Variants in AFDN observed in about 807,000 individuals in gnomAD.
AFDN encodes the protein afadin, adherens junction formation factor.
Under a neutral mutation model 216.6 loss-of-function variants are expected in AFDN, and 68 were observed. That is an observed-to-expected ratio of 0.31 (90% CI 0.26 to 0.38). The LOEUF (loss-of-function observed/expected upper bound fraction) is 0.38, where lower values mean the gene tolerates loss of function less well. Ranked by LOEUF, AFDN falls within the 10% of genes least tolerant of loss-of-function variation. The pLI, the probability that AFDN is intolerant of heterozygous loss-of-function variation, is 1.00. For synonymous variants in AFDN, 868 were observed against 853.7 expected (o/e 1.02, Z -0.29); for missense variants, 2,136 against 2,342.0 (o/e 0.91, Z 1.82).
At chr6:167,931,784 G>A (rs1405859299) in intron 23 of AFDN, among the ~76,000 whole-genome samples, 3 of 152,150 alleles carry the variant, frequency 2.0e-5, no homozygotes, top group Non-Finnish European at 4.4e-5. Flanking sequence ...TATACAGGGG[G>A]ATTTCACCGT....
At chr6:167,965,733 A>C (rs376161196) in intron 31 of AFDN, 24 bp from the exon 32 acceptor site, 1 of 1,504,112 alleles carries the variant, frequency 6.6e-7, no homozygotes, top group Admixed American at 2.2e-5. Flanking sequence ...TGACCTTTGC[A>C]CTCTTGTCTA....
chr6:167,915,065 G>T, intron 18 of AFDN, 103 bp from the exon 19 acceptor site: 1 of 1,206,412 alleles, frequency 8.3e-7, no homozygotes, highest in Non-Finnish European at 1.2e-6. Flanking sequence ...TAATTAAACG[G>T]CACTTACTAC....
At chr6:167,849,871 C>T (rs550149868) in intron 1 of AFDN, among the ~76,000 whole-genome samples, 2 of 152,144 alleles carry the variant, frequency 1.3e-5, no homozygotes, top group African/African-American at 2.4e-5. Context: ...CTTTTCCTGT[C>T]GAGGTTCTAG....
chr6:167,893,467 A>G (rs1350843216), intron 8 of AFDN, among the ~76,000 whole-genome samples: 2 of 152,096 alleles, frequency 1.3e-5, no homozygotes, highest in East Asian at 3.9e-4. Context: ...TGAGCTCAGC[A>G]TTGTCTTTTG....
At chr6:167,929,394 A>C (rs1183873289) in intron 23 of AFDN, among the ~76,000 whole-genome samples, 1 of 152,244 alleles carries the variant, frequency 6.6e-6, no homozygotes, top group Non-Finnish European at 1.5e-5. Flanking sequence ...GGTTAGGTAC[A>C]TACAGTCAAA....
chr6:167,870,545 C>T (rs1279789086), intron 3 of AFDN, 47 bp downstream of exon 3: 1 of 1,166,938 alleles, frequency 8.6e-7, no homozygotes, highest in South Asian at 1.5e-5. Context: ...AGGGCCAGGT[C>T]TGACTGATAA....
In AFDN at chr6:167,878,801, C is replaced by G. The variant is rs568497261; in HGVS notation, c.740-1559C>G. ...TGGCCAGTGAACCCAACCAGACTTG[C>G]CCAGCCCTGGGCCTTAGCAGTTGCT... On this transcript the variant is annotated intron_variant, in intron 5 of 33. Transcript: ENST00000683244. 3.3e-5 allele frequency among the ~76,000 whole-genome samples: 5 copies of G among 152,300 alleles called. No homozygotes were observed. The South Asian group carries it at 1.0e-3, about 32-fold the overall frequency.
rs548376509 is a variant in AFDN, at chr6:167,877,331, C to T, written c.739+1836C>T. Among the ~76,000 whole-genome samples the T allele has an allele frequency of 5.9e-5, 9 of 152,216 alleles. No homozygotes were observed. In the South Asian group the frequency reaches 1.7e-3, roughly 28 times the overall value. On this transcript the variant is annotated intron_variant, in intron 5 of 33. Transcript: ENST00000683244. ...ATGGGATATATTTTAGGCTACTGTT[C>T]CAGTGGCACATGGCGATTAGGGTTT... is the stretch of plus-strand genomic sequence containing the variant.
intron 30 of AFDN, among the ~76,000 whole-genome samples, chr6:167,954,091 T>A (rs2128703714): frequency 6.6e-6 from 1 of 152,358 alleles, no homozygotes; most frequent in African/African-American, 2.4e-5. Context: ...TTTCAAAGCC[T>A]TTTAGTATGA....
At chr6:167,902,661 A>G (rs572662201) in intron 12 of AFDN, among the ~76,000 whole-genome samples, 1 of 152,378 alleles carries the variant, frequency 6.6e-6, no homozygotes, top group South Asian at 2.1e-4. Flanking sequence ...ATATTATAAC[A>G]ATATACTCAA....
intron 31 of AFDN, chr6:167,963,171 C>G (rs903791357): frequency 3.8e-6 from 4 of 1,065,478 alleles, no homozygotes; most frequent in Non-Finnish European, 1.1e-6. Context: ...TTTAAAATGA[C>G]AGCGAATTTT....
rs1454853173 is a variant in AFDN at position 167,898,421 on chromosome 6, T to G, written c.1534T>G (p.Ser512Ala). Residue 512 changes from serine (S) to alanine (A), a missense_variant, in exon 11 of 34, where the codon TCT (serine) becomes GCT (alanine). Ser to Ala is a moderately conservative substitution (Grantham distance 99). Transcript: ENST00000683244. ...PSQDHALAKR[S>A]VDGGLMVKGP... The stretch of plus-strand genomic sequence containing the variant: ...TCAGGATCATGCTCTTGCAAAAAGA[T>G]CTGTGGATGGAGGCCTGATGGTTAA... 6.2e-7 allele frequency: 1 copy of G among 1,614,080 alleles called. No homozygotes were observed. The highest frequency in any genetic ancestry group is 1.7e-5 in the Admixed American group (1 of 60,004).
Position 167,967,708 on chromosome 6 carries a change from G to C in AFDN, c.5258-1406G>C, listed in dbSNP as rs139431597. ...CACATGAAGTACCTCACAGGACCAG[G>C]TCATAGCCGACATCTGATTGCTCCA... On this transcript the variant is annotated intron_variant, in intron 32 of 33. Coordinates refer to ENST00000683244, the MANE Select transcript of AFDN (RefSeq NM_001386888.1). Among the ~76,000 whole-genome samples the C allele has an allele frequency of 1.4e-4, 21 of 152,192 alleles. No homozygotes were observed. In the East Asian group the frequency reaches 3.5e-3, roughly 25 times the overall value.
intron 22 of AFDN, among the ~76,000 whole-genome samples, chr6:167,924,104 A>T: frequency 6.6e-6 from 1 of 151,868 alleles, no homozygotes; most frequent in East Asian, 1.9e-4. Context: ...TTTAAAAAAA[A>T]AAATAATAAT....
intron 7 of AFDN, among the ~76,000 whole-genome samples, chr6:167,890,300 ATTCTT>A (rs1202259996): frequency 6.6e-6 from 1 of 152,244 alleles, no homozygotes; most frequent in Non-Finnish European, 1.5e-5. Context: ...AATTGCCTAA[ATTCTT>A]TAAGTTGAAT....
intron 2 of AFDN, among the ~76,000 whole-genome samples, chr6:167,866,640 C>T (rs572533500): frequency 1.1e-4 from 17 of 152,288 alleles, no homozygotes; most frequent in African/African-American, 3.1e-4. Context: ...TGGGCCTTTC[C>T]GAGCTCCTCA....
chr6:167,827,115 G>A lies in AFDN; in HGVS notation c.-18G>A, dbSNP rs1324463090. 3.2e-6 allele frequency: 4 copies of A among 1,238,108 alleles called. No homozygotes were observed. The highest frequency in any genetic ancestry group is 4.2e-6 in the Non-Finnish European group (4 of 958,786). 76.7% of individuals were successfully genotyped at this position (1,238,108 alleles called of 1,614,324 possible). On this transcript the variant is annotated 5_prime_UTR_variant, in exon 1 of 34. Transcript: ENST00000683244. Reference sequence around the variant, plus strand: ...TCCGGCCCCGGCCCCGCGCGGCTGAGGAGGCGCGGCCAGGACCATGTCGGC... The same window carrying A: ...TCCGGCCCCGGCCCCGCGCGGCTGAAGAGGCGCGGCCAGGACCATGTCGGC...
intron 6 of AFDN, among the ~76,000 whole-genome samples, chr6:167,885,925 G>T (rs963754636): frequency 6.6e-6 from 1 of 152,170 alleles, no homozygotes; most frequent in Non-Finnish European, 1.5e-5. Context: ...TGAGCAAAGA[G>T]AAAGTTAAAT....
intron 1 of AFDN, among the ~76,000 whole-genome samples, chr6:167,844,153 T>A (rs1222628618): frequency 6.6e-6 from 1 of 151,330 alleles, no homozygotes. Context: ...TTTCCCAGTT[T>A]TGCTCTTGTA....
Sources: gnomAD v4.1 joint callset for allele counts (sites outside exome capture counted in the v4.1 genomes callset) on GRCh38, gnomAD v4.1.1 for gene constraint, MANE v1.5 for transcripts, NCBI Gene and HGNC (gene_info 2026-07-23, HGNC 2026-07-21) for gene names.